CCDC102B: variants seen among roughly 807,000 people sequenced by gnomAD.
The protein encoded by CCDC102B is coiled-coil domain-containing protein 102B.
In CCDC102B, 75 loss-of-function variants were observed where a neutral mutation model predicts 57.4. That is an observed-to-expected ratio of 1.31 (90% CI 1.08 to 1.58). The LOEUF is 1.58. CCDC102B is among the 40% of genes most tolerant of loss of function. The pLI, the probability that CCDC102B is intolerant of heterozygous loss-of-function variation, is 0.00. For missense variants in CCDC102B, 636 were observed against 582.6 expected (o/e 1.09, Z -0.94); for synonymous variants, 206 against 201.9 (o/e 1.02, Z -0.17).
In CCDC102B at chr18:68,837,273, T is replaced by A. The variant is rs914424832; in HGVS notation, c.510T>A (p.His170Gln). The A allele has an allele frequency of 6.2e-7, 1 of 1,614,090 alleles. No homozygotes were observed. The highest frequency in any genetic ancestry group is 1.7e-5 in the Admixed American group (1 of 60,022). Residue 170 changes from histidine (H) to glutamine (Q), a missense_variant, in exon 2 of 8, where the codon CAT becomes CAA. By Grantham distance (24) the His-to-Gln change is conservative (BLOSUM62 0). Coordinates refer to ENST00000360242, the MANE Select transcript of CCDC102B (RefSeq NM_024781.3). ...LPGFVEESCE[H>Q]TDQFQLSSQM... ...GCTTCGTAGAAGAATCCTGTGAACATACAGACCAATTTCAATTGAGTTCAC... is the reference window on the plus strand; with the variant it reads ...GCTTCGTAGAAGAATCCTGTGAACAAACAGACCAATTTCAATTGAGTTCAC...
chr18:68,895,989 A>G (rs1231844193), intron 5 of CCDC102B, among the ~76,000 whole-genome samples: 1 of 151,962 alleles, frequency 6.6e-6, no homozygotes, highest in Non-Finnish European at 1.5e-5. Flanking sequence ...ACATTGCTAG[A>G]CAAAGTGCTT....
At chr18:68,740,656 G>A (rs996436096) in intron 2 of CCDC102B, among the ~76,000 whole-genome samples, 3 of 152,318 alleles carry the variant, frequency 2.0e-5, no homozygotes, top group African/African-American at 7.2e-5. Flanking sequence ...TGGAGGTGGT[G>A]GAGTAGATCG....
At position 68,944,567 on chromosome 18, in the gene CCDC102B, A is replaced by G. The variant is rs185873761; in HGVS notation, c.1263+47139A>G. 3.4e-3 allele frequency among the ~76,000 whole-genome samples: 522 copies of G among 152,024 alleles called. 2 individuals are homozygous for G. The highest frequency in any genetic ancestry group is 6.1e-3 in the Non-Finnish European group (416 of 67,968). ...CCTCTTTGATAAGGGCACTAATCCA[A>G]TTCATGAGAGCAAAGCTCTCATGAC... On this transcript the variant is annotated intron_variant, in intron 6 of 7. Coordinates refer to ENST00000360242, the MANE Select transcript of CCDC102B (RefSeq NM_024781.3).
intron 2 of CCDC102B, among the ~76,000 whole-genome samples, chr18:68,785,381 T>G (rs2035165783): frequency 1.3e-5 from 2 of 152,226 alleles, no homozygotes; most frequent in Non-Finnish European, 2.9e-5. Context: ...CTTCCAGTTC[T>G]AGATCCCTGA....
chr18:68,850,687 C>A (rs1351692521), intron 4 of CCDC102B, among the ~76,000 whole-genome samples: 3 of 152,036 alleles, frequency 2.0e-5, no homozygotes, highest in Non-Finnish European at 4.4e-5. Flanking sequence ...TTCTGCCACA[C>A]CTCTTTTGTC....
chr18:69,004,656 A>G lies in CCDC102B; in HGVS notation c.1264-6278A>G, dbSNP rs148531558. On this transcript the variant is annotated intron_variant, in intron 6 of 7. Coordinates refer to ENST00000360242, the MANE Select transcript of CCDC102B (RefSeq NM_024781.3). Reference sequence around the variant, plus strand: ...CTCTATCTTAAAAAATCATCTGAGTATTTTTTTAATAATTGTCACAATTGA... The same window carrying G: ...CTCTATCTTAAAAAATCATCTGAGTGTTTTTTTAATAATTGTCACAATTGA... 4.1e-4 allele frequency among the ~76,000 whole-genome samples: 62 copies of G among 152,156 alleles called. No individual in the cohort carries two copies. In the East Asian group the frequency reaches 9.9e-3, roughly 24 times the overall value.
intron 6 of CCDC102B, among the ~76,000 whole-genome samples, chr18:68,992,555 T>C (rs1386594840): frequency 2.6e-5 from 4 of 152,166 alleles, no homozygotes; most frequent in Admixed American, 2.6e-4. Context: ...AGATGGAGCC[T>C]ATTAGATATT....
chr18:68,775,432 C>T (rs964143952), intron 2 of CCDC102B, among the ~76,000 whole-genome samples: 1 of 151,980 alleles, frequency 6.6e-6, no homozygotes, highest in Non-Finnish European at 1.5e-5. Flanking sequence ...TATTTTGTCT[C>T]TTTTCCCTTG....
chr18:68,887,617 C>T (rs1432207243), intron 5 of CCDC102B, among the ~76,000 whole-genome samples: 1 of 152,220 alleles, frequency 6.6e-6, no homozygotes, highest in Non-Finnish European at 1.5e-5. Context: ...CTAACTCACA[C>T]TTGCTAAATA....
At chr18:68,916,743 ACT>A (rs1270382812) in intron 6 of CCDC102B, among the ~76,000 whole-genome samples, 1 of 152,086 alleles carries the variant, frequency 6.6e-6, no homozygotes, top group African/African-American at 2.4e-5. Context: ...TCTTGAGGTG[ACT>A]CTGTTCAATG....
intron 1 of CCDC102B, among the ~76,000 whole-genome samples, chr18:68,830,452 C>G (rs1378134579): frequency 1.3e-5 from 2 of 151,716 alleles, no homozygotes; most frequent in African/African-American, 4.8e-5. Flanking sequence ...TATTTGGCAC[C>G]ATTAAGTTGG....
At chr18:68,742,548 C>G (rs1240524936) in intron 2 of CCDC102B, among the ~76,000 whole-genome samples, 1 of 152,162 alleles carries the variant, frequency 6.6e-6, no homozygotes, top group African/African-American at 2.4e-5. Flanking sequence ...GTATATAAGG[C>G]AAACATAATG....
intron 4 of CCDC102B, among the ~76,000 whole-genome samples, chr18:68,874,212 G>GTATATA (rs1031107929): frequency 4.1e-5 from 5 of 120,678 alleles, no homozygotes; most frequent in African/African-American, 8.9e-5. Flanking sequence ...GTGTGTGTGT[G>GTATATA]TATATATATA....
intron 2 of CCDC102B, among the ~76,000 whole-genome samples, chr18:68,788,286 T>A (rs965263277): frequency 2.0e-5 from 3 of 152,060 alleles, no homozygotes; most frequent in Non-Finnish European, 1.5e-5. Context: ...GGTGTGGTGC[T>A]GACAAAAATG....
At chr18:68,971,594 T>A (rs187561736) in intron 6 of CCDC102B, among the ~76,000 whole-genome samples, 94 of 152,264 alleles carry the variant, frequency 6.2e-4, no homozygotes, top group African/African-American at 2.2e-3. Context: ...GAAAGGGAAA[T>A]CACAAGATAA....
intron 7 of CCDC102B, among the ~76,000 whole-genome samples, chr18:69,019,088 G>A (rs2145415176): frequency 6.6e-6 from 1 of 152,112 alleles, no homozygotes; most frequent in East Asian, 1.9e-4. Flanking sequence ...ATTCATATAT[G>A]TGTTTGTTTT....
intron 6 of CCDC102B, among the ~76,000 whole-genome samples, chr18:68,945,256 C>T (rs925860566): frequency 6.6e-6 from 1 of 151,926 alleles, no homozygotes; most frequent in Non-Finnish European, 1.5e-5. Flanking sequence ...GATAAAATTA[C>T]TTTCTTAATG....
downstream of CCDC102B, among the ~76,000 whole-genome samples, chr18:69,056,681 A>ATAGATAGG (rs1426862753): frequency 1.8e-4 from 27 of 151,398 alleles, no homozygotes; most frequent in African/African-American, 5.6e-4. Context: ...AGATAGATAG[A>ATAGATAGG]TAGGATAGAG....
At chr18:68,791,595 T>C (rs1294881019) in intron 2 of CCDC102B, among the ~76,000 whole-genome samples, 2 of 147,882 alleles carry the variant, frequency 1.4e-5, no homozygotes, top group Admixed American at 1.4e-4. Context: ...TAAATGACTA[T>C]GTTTGAAATG....
Sources: gnomAD v4.1 joint callset for allele counts (sites outside exome capture counted in the v4.1 genomes callset) on GRCh38, gnomAD v4.1.1 for gene constraint, MANE v1.5 for transcripts, NCBI Gene and HGNC (gene_info 2026-07-23, HGNC 2026-07-21) for gene names.